SGMS1: variants seen among roughly 807,000 people sequenced by gnomAD.
The protein encoded by SGMS1 is phosphatidylcholine:ceramide cholinephosphotransferase 1.
A neutral mutation model predicts 46.2 loss-of-function variants in SGMS1; 13 were observed. The observed-to-expected ratio is 0.28, with a 90% CI of 0.18 to 0.45. SGMS1 has a LOEUF of 0.45. SGMS1 is among the 20% of genes least tolerant of loss of function. SGMS1 has a pLI of 1.00. For missense variants in SGMS1, 324 were observed against 519.9 expected, an observed-to-expected ratio of 0.62 and a Z score of 3.66; for synonymous variants, 203 against 187.8, an observed-to-expected ratio of 1.08 and a Z score of -0.66.
At chr10:50,355,063 A>G (rs1196085704) in intron 6 of SGMS1, among the ~76,000 whole-genome samples, 2 of 152,250 alleles carry the variant, frequency 1.3e-5, no homozygotes, top group Non-Finnish European at 2.9e-5. Flanking sequence ...AACTAGAAAT[A>G]TCATTTGACC....
intron 7 of SGMS1, among the ~76,000 whole-genome samples, chr10:50,339,056 A>G (rs1008366673): frequency 6.6e-6 from 1 of 152,204 alleles, no homozygotes; most frequent in Non-Finnish European, 1.5e-5. Flanking sequence ...CATCTCAACC[A>G]GGCCCCCTGC....
intron 6 of SGMS1, among the ~76,000 whole-genome samples, chr10:50,370,964 G>A (rs1848426432): frequency 6.6e-6 from 1 of 152,058 alleles, no homozygotes; most frequent in African/African-American, 2.4e-5. Flanking sequence ...TAAGTAGAAG[G>A]AGCACATTCT....
At chr10:50,379,342 T>C (rs963632036) in intron 6 of SGMS1, among the ~76,000 whole-genome samples, 9 of 152,172 alleles carry the variant, frequency 5.9e-5, no homozygotes, top group Admixed American at 5.9e-4. Flanking sequence ...TTTCAAAGAA[T>C]GTGGTATATC....
chr10:50,535,694 C>T (rs67114363), intron 2 of SGMS1, among the ~76,000 whole-genome samples: 7,380 of 151,508 alleles, frequency 0.049, 524 homozygotes, highest in African/African-American at 0.16. Flanking sequence ...TGGGCTGATT[C>T]ACAGATACCA....
intron 6 of SGMS1, among the ~76,000 whole-genome samples, chr10:50,421,672 T>C (rs528366636): frequency 6.6e-6 from 1 of 152,314 alleles, no homozygotes; most frequent in Admixed American, 6.5e-5. Context: ...CACTGGACCC[T>C]AATAAGATGG....
chr10:50,607,184 T>C (rs1019400049), intron 1 of SGMS1, among the ~76,000 whole-genome samples: 6 of 150,738 alleles, frequency 4.0e-5, no homozygotes, highest in African/African-American at 1.5e-4. Context: ...GGTTCTGCTA[T>C]CTTGTCAAGG....
intron 5 of SGMS1, among the ~76,000 whole-genome samples, chr10:50,445,940 A>T (rs1837006657): frequency 6.6e-6 from 1 of 152,122 alleles, no homozygotes; most frequent in Admixed American, 6.6e-5. Flanking sequence ...AGGCCTCTGA[A>T]ATGGCTGCTT....
intron 6 of SGMS1, among the ~76,000 whole-genome samples, chr10:50,354,941 A>C (rs1848113084): frequency 6.6e-6 from 1 of 152,202 alleles, no homozygotes; most frequent in Admixed American, 6.5e-5. Flanking sequence ...GTCAGGAAAC[A>C]ACAGGTGCTG....
At chr10:50,398,144 ACT>A (rs1464462079) in intron 6 of SGMS1, among the ~76,000 whole-genome samples, 1 of 151,996 alleles carries the variant, frequency 6.6e-6, no homozygotes, top group Non-Finnish European at 1.5e-5. Context: ...TTATTTTTCC[ACT>A]CTCTCGGAGC....
At chr10:50,572,771 C>T (rs1050767969) in intron 2 of SGMS1, among the ~76,000 whole-genome samples, 1 of 152,080 alleles carries the variant, frequency 6.6e-6, no homozygotes, top group Non-Finnish European at 1.5e-5. Context: ...GAAAAAGATC[C>T]TTTTTGTATT....
At chr10:50,554,157 A>G (rs772988677) in intron 2 of SGMS1, among the ~76,000 whole-genome samples, 8 of 152,150 alleles carry the variant, frequency 5.3e-5, no homozygotes, top group Non-Finnish European at 1.0e-4. Flanking sequence ...GGTGCTTGAG[A>G]CTCAGAGCTT....
chr10:50,392,413 A>C (rs1374500175), intron 6 of SGMS1, among the ~76,000 whole-genome samples: 1 of 152,194 alleles, frequency 6.6e-6, no homozygotes. Context: ...ATTTGAGTCC[A>C]TTTCTTCTAA....
chr10:50,307,250 T>C lies in SGMS1; in HGVS notation c.1134A>G (p.Glu378=). The C allele has an allele frequency of 6.2e-7, 1 of 1,614,086 alleles. No individual in the cohort carries two copies. The highest frequency in any genetic ancestry group is 8.5e-7 in the Non-Finnish European group (1 of 1,179,986). ...GAGGTACAATTCCTTGGACATTCTT[T>C]TCAAAGTACTGAAATGGCCTGTACC... ...VWWYRPFQYF[E]KNVQGIVPRS... The change falls in exon 11 of 11, where the codon GAA becomes GAG. Residue 378 remains glutamate (E), a synonymous_variant. Coordinates refer to ENST00000361781, the MANE Select transcript of SGMS1 (RefSeq NM_147156.4). The surrounding 1 kb of genome is among the most constrained non-coding windows in gnomAD (Gnocchi z 4.2).
At chr10:50,542,355 T>C (rs1034999592) in intron 2 of SGMS1, among the ~76,000 whole-genome samples, 1 of 152,154 alleles carries the variant, frequency 6.6e-6, no homozygotes, top group Non-Finnish European at 1.5e-5. Flanking sequence ...TTAAAAAAAA[T>C]CACTGTTTTG....
intron 2 of SGMS1, among the ~76,000 whole-genome samples, chr10:50,551,461 T>C (rs1156988096): frequency 2.7e-5 from 4 of 149,518 alleles, no homozygotes; most frequent in Non-Finnish European, 4.4e-5. Context: ...GAATACTGAA[T>C]GGGATCATGG....
intron 6 of SGMS1, among the ~76,000 whole-genome samples, chr10:50,404,182 T>G (rs539926159): frequency 2.0e-5 from 3 of 152,032 alleles, no homozygotes; most frequent in Admixed American, 2.0e-4. Flanking sequence ...AATGGACCTA[T>G]GAAAAGATCC....
intron 5 of SGMS1, among the ~76,000 whole-genome samples, chr10:50,437,718 A>C (rs994864632): frequency 2.0e-5 from 3 of 152,228 alleles, no homozygotes; most frequent in Non-Finnish European, 4.4e-5. Flanking sequence ...CAGCCTTAGC[A>C]AGACATCCTA....
chr10:50,608,436 A>G (rs534228905), intron 1 of SGMS1, among the ~76,000 whole-genome samples: 1 of 152,288 alleles, frequency 6.6e-6, no homozygotes, highest in African/African-American at 2.4e-5. Flanking sequence ...CTAAAAGGCT[A>G]GTGCAGAGCA....
chr10:50,492,845 C>A (rs1250091057), intron 3 of SGMS1, among the ~76,000 whole-genome samples: 3 of 152,154 alleles, frequency 2.0e-5, no homozygotes, highest in Admixed American at 2.0e-4. Flanking sequence ...GCAGCCAAGG[C>A]AATCCTAATG....
Sources: allele counts gnomAD v4.1 joint callset (sites outside exome capture counted in the v4.1 genomes callset), GRCh38; gene constraint gnomAD v4.1.1; non-coding constraint Gnocchi (gnomAD v3.1); transcripts MANE v1.5; gene names NCBI Gene and HGNC (gene_info 2026-07-23, HGNC 2026-07-21).